RARB: variants seen among roughly 807,000 people sequenced by gnomAD.
The protein encoded by RARB is HBV-activated protein.
Under a neutral mutation model 51.9 loss-of-function variants are expected in RARB, and 17 were observed. The observed-to-expected ratio is 0.33, with a 90% CI of 0.22 to 0.49. RARB has a LOEUF of 0.49. Among genes scored for constraint, RARB ranks in the 20% least tolerant of loss-of-function variants. The probability of loss-of-function intolerance (pLI) is 0.99; values close to 1 mark genes in which losing one functional copy is unlikely to be tolerated. For synonymous variants in RARB, 215 were observed against 195.4 expected, an observed-to-expected ratio of 1.10 and a Z score of -0.84; for missense variants, 369 against 550.8, an observed-to-expected ratio of 0.67 and a Z score of 3.30.
chr3:24,893,625 C>T (rs190224948), intron 2 of RARB, among the ~76,000 whole-genome samples: 282 of 152,236 alleles, frequency 1.9e-3, no homozygotes, highest in African/African-American at 6.3e-3. Flanking sequence ...ACAAGTGATC[C>T]TCCTGTCTCT....
intron 5 of RARB, among the ~76,000 whole-genome samples, chr3:25,405,482 A>C (rs1707380811): frequency 6.6e-6 from 1 of 152,192 alleles, no homozygotes; most frequent in South Asian, 2.1e-4. Context: ...AAACTTACTT[A>C]AGAGAACTCC....
At chr3:25,448,243 C>T (rs1228430447) in intron 1 of RARB, among the ~76,000 whole-genome samples, 1 of 152,028 alleles carries the variant, frequency 6.6e-6, no homozygotes, top group Admixed American at 6.6e-5. Flanking sequence ...CAAAAAAAGA[C>T]CTGAACCTTG....
intron 5 of RARB, among the ~76,000 whole-genome samples, chr3:25,283,606 C>G (rs1703577314): frequency 6.6e-6 from 1 of 152,174 alleles, no homozygotes; most frequent in Non-Finnish European, 1.5e-5. Context: ...TGTGACCTTG[C>G]TGGGTCAGAC....
chr3:25,553,146 A>G (rs1184364014), intron 3 of RARB, among the ~76,000 whole-genome samples: 2 of 130,926 alleles, frequency 1.5e-5, no homozygotes, highest in Non-Finnish European at 3.1e-5. Flanking sequence ...TTTTCCTGCC[A>G]TCTTTTGCTT....
chr3:25,315,149 C>G (rs376689887), intron 5 of RARB, among the ~76,000 whole-genome samples: 3 of 152,016 alleles, frequency 2.0e-5, no homozygotes, highest in Non-Finnish European at 4.4e-5. Context: ...CTTAAGAGTA[C>G]GGGGCAGCTC....
chr3:25,587,473 T>C (rs1209879493), intron 5 of RARB, among the ~76,000 whole-genome samples: 2 of 152,238 alleles, frequency 1.3e-5, no homozygotes, highest in South Asian at 2.1e-4. Flanking sequence ...ATAATTTGGA[T>C]ATCTTAAGTT....
At chr3:25,327,993 A>G (rs1279532707) in intron 5 of RARB, among the ~76,000 whole-genome samples, 1 of 152,258 alleles carries the variant, frequency 6.6e-6, no homozygotes, top group African/African-American at 2.4e-5. Context: ...AAAAATACAC[A>G]GTACTTATAA....
rs137990742 is a variant in RARB, at chr3:25,303,643, G to A, written c.178+129068G>A. Among the ~76,000 whole-genome samples, 672 of 152,236 alleles carry A rather than the reference G, an allele frequency of 4.4e-3. 2 individuals carry two copies. Among genetic ancestry groups the A allele is most frequent in the African/African-American group, 0.015 (642 of 41,534 alleles). ...AAAAATGAATTCTTTTCTGCATGGT[G>A]CTGTTCATCAGCTCTCTTCCCTCAA... On this transcript the variant is annotated intron_variant, in intron 5 of 11. Transcript: ENST00000383772.
chr3:25,058,709 T>C (rs1277400656), intron 2 of RARB, among the ~76,000 whole-genome samples: 1 of 151,744 alleles, frequency 6.6e-6, no homozygotes, highest in South Asian at 2.1e-4. Flanking sequence ...TTTTCTCCTA[T>C]AAAAACAAAA....
intron 2 of RARB, among the ~76,000 whole-genome samples, chr3:25,495,697 G>T (rs191000521): frequency 6.6e-6 from 1 of 152,186 alleles, no homozygotes; most frequent in African/African-American, 2.4e-5. Flanking sequence ...GTTAGAAAAT[G>T]CTTGACTCAG....
chr3:24,838,957 A>C (rs1702381125), intron 1 of RARB, among the ~76,000 whole-genome samples: 1 of 151,912 alleles, frequency 6.6e-6, no homozygotes, highest in South Asian at 2.1e-4. Flanking sequence ...AACTAAATCA[A>C]AATTAAAAAC....
At chr3:25,583,937 C>G (rs1701285728) in intron 5 of RARB, among the ~76,000 whole-genome samples, 1 of 152,158 alleles carries the variant, frequency 6.6e-6, no homozygotes. Flanking sequence ...GTGAGGGAGC[C>G]CCGGAGCAGG....
chr3:25,467,980 A>G (rs1695511801), intron 2 of RARB, among the ~76,000 whole-genome samples: 1 of 152,230 alleles, frequency 6.6e-6, no homozygotes, highest in East Asian at 1.9e-4. Flanking sequence ...GGGGTATTCT[A>G]TTTCACAGGG....
rs1056580446 is a variant in RARB, at chr3:25,214,992, T to C, written c.178+40417T>C. On this transcript the variant is annotated intron_variant, in intron 5 of 11. Coordinates refer to the RARB transcript ENST00000383772. ...TGACTAGGGAAGGAAAGAATGGGAA[T>C]CAATATATGTCCAGTGAGTACCAGG... 1.6e-4 allele frequency among the ~76,000 whole-genome samples: 24 copies of C among 152,256 alleles called. No individual in the cohort carries two copies. In the East Asian group the frequency reaches 3.1e-3, roughly 20 times the overall value.
chr3:25,442,085 C>A (rs1708711763), intron 1 of RARB, among the ~76,000 whole-genome samples: 1 of 149,612 alleles, frequency 6.7e-6, no homozygotes, highest in African/African-American at 2.5e-5. Context: ...GTTAATACAG[C>A]TGAGGAAGTG....
intron 5 of RARB, among the ~76,000 whole-genome samples, chr3:25,243,599 G>T (rs1273407755): frequency 6.6e-6 from 1 of 152,202 alleles, no homozygotes; most frequent in Non-Finnish European, 1.5e-5. Flanking sequence ...CTGTTTATAT[G>T]ATGGATTACA....
chr3:25,334,246 C>G (rs1254378360), intron 5 of RARB, among the ~76,000 whole-genome samples: 1 of 152,134 alleles, frequency 6.6e-6, no homozygotes, highest in African/African-American at 2.4e-5. Context: ...TATTGCAGCA[C>G]TATTCACAAT....
chr3:24,969,633 G>T (rs1696350236), intron 2 of RARB, among the ~76,000 whole-genome samples: 1 of 151,970 alleles, frequency 6.6e-6, no homozygotes. Context: ...ACATCAAATT[G>T]CCAAGTAATT....
At chr3:25,528,314 CAA>C (rs1698743890) in intron 3 of RARB, among the ~76,000 whole-genome samples, 1 of 152,162 alleles carries the variant, frequency 6.6e-6, no homozygotes, top group Non-Finnish European at 1.5e-5. Flanking sequence ...GGAAGATGAG[CAA>C]AGTCTCAGAT....
Sources: gnomAD v4.1 joint callset for allele counts (sites outside exome capture counted in the v4.1 genomes callset) on GRCh38, gnomAD v4.1.1 for gene constraint, MANE v1.5 for transcripts, NCBI Gene and HGNC (gene_info 2026-07-23, HGNC 2026-07-21) for gene names.